The following AMY2A variants were observed in gnomAD, a reference collection of about 807,000 sequenced individuals.
The protein encoded by AMY2A is pancreatic alpha-amylase.
AMY2A carries 16 observed loss-of-function variants against 43.0 expected under a neutral mutation model. The observed-to-expected ratio is 0.37, with a 90% confidence interval of 0.25 to 0.56. The LOEUF (loss-of-function observed/expected upper bound fraction) is 0.56, where lower values mean the gene tolerates loss of function less well. Ranked by LOEUF, AMY2A falls within the 20% of genes least tolerant of loss-of-function variation. The pLI is 0.77. For missense variants in AMY2A, 212 were observed against 456.8 expected (o/e 0.46, Z 4.89); for synonymous variants, 70 against 144.6 (o/e 0.48, Z 3.70).
chr1:103,619,108 G>C lies in AMY2A; in HGVS notation c.513G>C (p.Gln171His). The C allele has an allele frequency of 9.6e-7, 1 of 1,045,430 alleles. No individual in the cohort carries two copies. The highest frequency in any genetic ancestry group is 1.3e-6 in the Non-Finnish European group (1 of 743,206). The allele number at this position is 1,045,430 out of a possible 1,614,324, so 64.8% of individuals were successfully genotyped here. A position where few individuals can be genotyped will look rare whatever the true frequency, so the allele number is the denominator to read the frequency against. ...GDIENYNDAT[Q>H]VRDCRLTGLL... ...TCGAGAACTACAATGATGCTACTCAGGTAATTTTTTTACGAGAGTGATCTG... is the reference window on the plus strand; with the variant it reads ...TCGAGAACTACAATGATGCTACTCACGTAATTTTTTTACGAGAGTGATCTG... Residue 171 changes from glutamine (Q) to histidine (H), a missense_variant and splice_region_variant, in exon 3 of 10, where the codon CAG becomes CAC. This residue lies in a region of AMY2A where 199 missense variants were observed against 210.6 expected (regional missense o/e 0.94). Transcript: ENST00000414303.
chr1:103,620,012 TC>T (rs1260763151), intron 4 of AMY2A, among the ~76,000 whole-genome samples: 1 of 151,358 alleles, frequency 6.6e-6, no homozygotes, highest in Non-Finnish European at 1.5e-5. Flanking sequence ...GTCTTTACTT[TC>T]TTTGGATAAT....
At chr1:103,617,188 T>G (rs1276969285), upstream of AMY2A, 1 of 1,059,114 alleles carries the variant, frequency 9.4e-7, no homozygotes, top group Non-Finnish European at 1.3e-6. Flanking sequence ...AACAGGTCAC[T>G]GTTTAAGGAA....
chr1:103,618,585 G>T (rs1653145860), intron 2 of AMY2A, among the ~76,000 whole-genome samples: 1 of 150,620 alleles, frequency 6.6e-6, no homozygotes, highest in Admixed American at 6.6e-5. Flanking sequence ...GTGACCCACT[G>T]AAATTTCCAA....
chr1:103,617,925 G>T (rs1653123716), intron 1 of AMY2A, 29 bp from the exon 2 acceptor site: 1 of 1,599,960 alleles, frequency 6.3e-7, no homozygotes, highest in Non-Finnish European at 8.5e-7. Context: ...GACAGAATTT[G>T]GTACTTATGA....
rs1346835187 is a variant in AMY2A at position 103,619,110 on chromosome 1, T to A, written c.513+2T>A. Reference sequence around the variant, plus strand: ...GAGAACTACAATGATGCTACTCAGGTAATTTTTTTACGAGAGTGATCTGAA... The same window carrying A: ...GAGAACTACAATGATGCTACTCAGGAAATTTTTTTACGAGAGTGATCTGAA... On this transcript the variant is annotated splice_donor_variant, in intron 3 of 9. Transcript: ENST00000414303. LOFTEE classifies it high-confidence loss of function. 1 of 1,006,738 alleles carries A rather than the reference T, an allele frequency of 9.9e-7. No individual in the cohort carries two copies. The highest frequency in any genetic ancestry group is 1.4e-6 in the Non-Finnish European group (1 of 708,740). 62.4% of individuals were successfully genotyped at this position (1,006,738 alleles called of 1,614,324 possible).
At position 103,618,031 on chromosome 1, in the gene AMY2A, T is replaced by C. The variant is rs1002259080; in HGVS notation, c.246T>C (p.Tyr82=). The change falls in exon 2 of 10, where the codon TAT becomes TAC. Residue 82 remains tyrosine (Y), a synonymous_variant. Coordinates refer to ENST00000414303, the MANE Select transcript of AMY2A (RefSeq NM_000699.4). ...PWWERYQPVS[Y]KLCTRSGNED... is the part of the protein sequence containing the mutation. ...GGGAAAGATACCAACCAGTTAGCTATAAATTATGCACAAGATCTGGAAATG... is the reference window on the plus strand; with the variant it reads ...GGGAAAGATACCAACCAGTTAGCTACAAATTATGCACAAGATCTGGAAATG... The C allele has an allele frequency of 1.9e-6, 3 of 1,600,658 alleles. No individual in the cohort carries two copies. Among genetic ancestry groups the C allele is most frequent in the East Asian group, 4.5e-5 (2 of 44,784 alleles).
chr1:103,619,071 G>T lies in AMY2A; in HGVS notation c.476G>T (p.Gly159Val). ...TTCAATGATGGTAAATGTAAAACTG[G>T]AAGTGGAGATATCGAGAACTACAAT... Reference protein sequence around the residue: ...WDFNDGKCKTGSGDIENYNDA... With the variant: ...WDFNDGKCKTVSGDIENYNDA... The change falls in exon 3 of 10, where the codon GGA becomes GTA. Residue 159 changes from glycine to valine, a missense_variant. Around this residue, in one of 2 missense-constraint regions of AMY2A, gnomAD observed 199 missense variants for 210.6 expected, o/e 0.94. Transcript: ENST00000414303. 1 of 1,257,842 alleles carries T rather than the reference G, an allele frequency of 8.0e-7. No individual in the cohort carries two copies. Among genetic ancestry groups the T allele is most frequent in the Non-Finnish European group, 1.1e-6 (1 of 929,174 alleles). The allele number at this position is 1,257,842 out of a possible 1,614,324, so 77.9% of individuals were successfully genotyped here.
At position 103,617,583 on chromosome 1, in the gene AMY2A, C is replaced by T; in HGVS notation, c.143C>T (p.Ala48Val). 3 of 1,600,924 alleles carry T rather than the reference C, an allele frequency of 1.9e-6. No individual in the cohort carries two copies. The East Asian group carries it at 6.7e-5, about 36-fold the overall frequency. ...GCTCTTGAATGTGAGCGATATTTAGCTCCGAAGGGATTTGGAGGGGTTCAG... is the reference window on the plus strand; with the variant it reads ...GCTCTTGAATGTGAGCGATATTTAGTTCCGAAGGGATTTGGAGGGGTTCAG... ...DIALECERYL[A>V]PKGFGGVQVS... Residue 48 changes from alanine to valine, a missense_variant, in exon 1 of 10, where the codon GCT becomes GTT. By Grantham distance (64) the Ala-to-Val change is moderately conservative. Around this residue, in one of 2 missense-constraint regions of AMY2A, gnomAD observed 199 missense variants for 210.6 expected, o/e 0.94. Coordinates refer to ENST00000414303, the MANE Select transcript of AMY2A (RefSeq NM_000699.4).
At chr1:103,616,756 A>C (rs1653087659), upstream of AMY2A, 1 of 154,332 alleles carries the variant, frequency 6.5e-6, no homozygotes, top group African/African-American at 2.4e-5. Context: ...TTCAGTCTTT[A>C]CTACACGTGG....
At position 103,617,591 on chromosome 1, in the gene AMY2A, G is replaced by C. The variant is rs761137032; in HGVS notation, c.151G>C (p.Gly51Arg). 1.2e-6 allele frequency: 2 copies of C among 1,600,938 alleles called. No individual in the cohort carries two copies. The highest frequency in any genetic ancestry group is 1.7e-5 in the Admixed American group (1 of 59,724). ...ATGTGAGCGATATTTAGCTCCGAAG[G>C]GATTTGGAGGGGTTCAGGTGGGTAT... is the stretch of plus-strand genomic sequence containing the variant. ...LECERYLAPK[G>R]FGGVQVSPPN... Residue 51 changes from glycine to arginine, a missense_variant, in exon 1 of 10, where the codon GGA becomes CGA. Physicochemically the swap from Gly to Arg is moderately radical, Grantham distance 125. Transcript: ENST00000414303.
chr1:103,618,580 C>A (rs1653145728), intron 2 of AMY2A, among the ~76,000 whole-genome samples: 3 of 150,480 alleles, frequency 2.0e-5, no homozygotes, highest in African/African-American at 4.8e-5. Flanking sequence ...TCCTGGTGAC[C>A]CACTGAAATT....
At chr1:103,623,566 G>A (rs971280522) in intron 7 of AMY2A, among the ~76,000 whole-genome samples, 7 of 91,982 alleles carry the variant, frequency 7.6e-5, no homozygotes, top group Admixed American at 6.0e-4. Context: ...AGTGAGCTAT[G>A]ATCATGCCAC....
At position 103,617,706 on chromosome 1, in the gene AMY2A, C is replaced by T. The variant is rs1653116854; in HGVS notation, c.168+98C>T. 1.9e-6 allele frequency: 3 copies of T among 1,589,550 alleles called. 1 individual carries two copies. Among genetic ancestry groups the T allele is most frequent in the Admixed American group, 1.7e-5 (1 of 59,070 alleles). On this transcript the variant is annotated intron_variant, in intron 1 of 9. Transcript: ENST00000414303. ...GAAGCTTGGGCAACATTTTACTTCA[C>T]AGGTAAGTATTCTAAGTAAAAGAGA...
At position 103,617,511 on chromosome 1, in the gene AMY2A, G is replaced by C. The variant is rs770587236; in HGVS notation, c.71G>C (p.Gly24Ala). 3.1e-6 allele frequency: 5 copies of C among 1,600,774 alleles called. No homozygotes were observed. The highest frequency in any genetic ancestry group is 4.3e-6 in the Non-Finnish European group (5 of 1,170,820). The change falls in exon 1 of 10, where the codon GGA becomes GCA. Residue 24 changes from glycine to alanine, a missense_variant. Around this residue, in one of 2 missense-constraint regions of AMY2A, gnomAD observed 199 missense variants for 210.6 expected, o/e 0.94. Transcript: ENST00000414303. ...WAQYSPNTQQGRTSIVHLFEW... is the reference protein window; with the variant it reads ...WAQYSPNTQQARTSIVHLFEW... Reference sequence around the variant, plus strand: ...CAGTATTCCCCAAATACACAACAAGGACGGACATCTATTGTTCATCTGTTT... The same window carrying C: ...CAGTATTCCCCAAATACACAACAAGCACGGACATCTATTGTTCATCTGTTT...
At chr1:103,620,057 C>T (rs998232597) in intron 4 of AMY2A, among the ~76,000 whole-genome samples, 10 of 148,546 alleles carry the variant, frequency 6.7e-5, no homozygotes, top group East Asian at 5.9e-4. Flanking sequence ...GAATTTCAGT[C>T]GATACTAAAT....
chr1:103,617,085 A>T, upstream of AMY2A: 21 of 1,006,180 alleles, frequency 2.1e-5, no homozygotes, highest in Non-Finnish European at 2.7e-5. Context: ...CTTTTAATTT[A>T]TGTAAAGTTT....
chr1:103,619,880 A>G (rs781174820), intron 4 of AMY2A, 96 bp downstream of exon 4: 2 of 1,535,232 alleles, frequency 1.3e-6, no homozygotes, highest in Non-Finnish European at 1.8e-6. Flanking sequence ...AGGATAAGGA[A>G]TGAGACATTT....
upstream of AMY2A, chr1:103,617,100 G>GT (rs1653096969): frequency 1.0e-6 from 1 of 966,052 alleles, no homozygotes; most frequent in Non-Finnish European, 1.3e-6. Context: ...AAGTTTTTTT[G>GT]TATGCCATTC....
chr1:103,619,431 C>G, intron 3 of AMY2A, 123 bp from the exon 4 acceptor site: 1 of 1,209,042 alleles, frequency 8.3e-7, no homozygotes, highest in Non-Finnish European at 1.2e-6. Flanking sequence ...TCCCCAGTGC[C>G]CAATGCAAGG....
Sources: allele counts gnomAD v4.1 joint callset (sites outside exome capture counted in the v4.1 genomes callset), GRCh38; gene constraint gnomAD v4.1.1; regional missense constraint gnomAD v4.1.1; transcripts MANE v1.5; gene names NCBI Gene and HGNC (gene_info 2026-07-23, HGNC 2026-07-21).